The following KPNA6 variants were observed in gnomAD, a reference collection of about 807,000 sequenced individuals.
KPNA6 encodes importin subunit alpha-7.
Under a neutral mutation model 72.0 loss-of-function variants are expected in KPNA6, and 9 were observed. That is an observed-to-expected ratio of 0.13 (90% confidence interval 0.08 to 0.22). The LOEUF (loss-of-function observed/expected upper bound fraction) is 0.22. KPNA6 is among the 10% of genes least tolerant of loss of function. The pLI, the probability that KPNA6 is intolerant of heterozygous loss-of-function variation, is 1.00. For missense variants in KPNA6, 374 were observed against 655.7 expected (o/e 0.57, Z 4.69); for synonymous variants, 219 against 242.1 (o/e 0.90, Z 0.89).
Position 32,175,436 on chromosome 1 carries a change from C to T in KPNA6, c.*4542C>T, listed in dbSNP as rs1363755069. 2 of 152,268 alleles carry T rather than the reference C, an allele frequency of 1.3e-5. No individual in the cohort carries two copies. The highest frequency in any genetic ancestry group is 3.8e-4 in the East Asian group (2 of 5,196). 9.4% of individuals were successfully genotyped at this position (152,268 alleles called of 1,614,324 possible). A position where few individuals can be genotyped will look rare whatever the true frequency, so the allele number is the denominator to read the frequency against. ...CCTGGGGGGCATTGAAGGAAGTAAG[C>T]TCTCAGAGATCCTAACACTGGCTGG... On this transcript the variant is annotated 3_prime_UTR_variant, in exon 14 of 14. Coordinates refer to ENST00000373625, the MANE Select transcript of KPNA6 (RefSeq NM_012316.5).
Position 32,141,375 on chromosome 1 carries a change from C to CTTTTTTTTTTTTTTTTTTTTTTTTTTTTT in KPNA6, c.5-13201_5-13173dup, listed in dbSNP as rs71006334. On this transcript the variant is annotated intron_variant, in intron 1 of 13. Coordinates refer to ENST00000373625, the MANE Select transcript of KPNA6 (RefSeq NM_012316.5). ...AGGGCTTTTTTTTTTTAAGTTAATC[C>CTTTTTTTTTTTTTTTTTTTTTTTTTTTTT]TTTTTTTTTTTTTTTTTTTTTTTTT... Among the ~76,000 whole-genome samples, 8 of 54,476 alleles carry CTTTTTTTTTTTTTTTTTTTTTTTTTTTTT rather than the reference C, an allele frequency of 1.5e-4. 4 individuals carry two copies. Among genetic ancestry groups the CTTTTTTTTTTTTTTTTTTTTTTTTTTTTT allele is most frequent in the Non-Finnish European group, 2.4e-4 (6 of 25,166 alleles). 35.7% of individuals were successfully genotyped at this position (54,476 alleles called of 152,430 possible). A position where few individuals can be genotyped will look rare whatever the true frequency, so the allele number is the denominator to read the frequency against.
At chr1:32,119,680 C>G (rs1475574985) in intron 1 of KPNA6, among the ~76,000 whole-genome samples, 1 of 151,782 alleles carries the variant, frequency 6.6e-6, no homozygotes, top group Non-Finnish European at 1.5e-5. Flanking sequence ...AAATGTGGTT[C>G]TAGTGTTGTT....
chr1:32,170,916 G>T lies in KPNA6; in HGVS notation c.*22G>T. ...ATAATATCTGCCTCCAGGGAGGGGA[G>T]GGGATGGGAAGCACCACCAGCCAGC... is the stretch of plus-strand genomic sequence containing the variant. On this transcript the variant is annotated 3_prime_UTR_variant, in exon 14 of 14. Coordinates refer to ENST00000373625, the MANE Select transcript of KPNA6 (RefSeq NM_012316.5). 1 of 1,609,020 alleles carries T rather than the reference G, an allele frequency of 6.2e-7. No individual in the cohort carries two copies.
At chr1:32,149,793 A>G (rs1172539186) in intron 1 of KPNA6, among the ~76,000 whole-genome samples, 1 of 152,054 alleles carries the variant, frequency 6.6e-6, no homozygotes, top group African/African-American at 2.4e-5. Context: ...GTCTTTATTA[A>G]TATTATTTTT....
At chr1:32,164,887 A>T (rs1304628342) in intron 10 of KPNA6, among the ~76,000 whole-genome samples, 1 of 151,734 alleles carries the variant, frequency 6.6e-6, no homozygotes, top group Non-Finnish European at 1.5e-5. Context: ...TAAAAAAAAA[A>T]CTTTTAACTT....
rs186306963 is a variant in KPNA6 at position 32,120,765 on chromosome 1, G to T, written c.4+12631G>T. On this transcript the variant is annotated intron_variant, in intron 1 of 13. Coordinates refer to ENST00000373625, the MANE Select transcript of KPNA6 (RefSeq NM_012316.5). ...GTATCTTTAGTAGAGACGGGGTTTC[G>T]CCATGTTGGCCAGGCTGGTCTTGAA... is the stretch of plus-strand genomic sequence containing the variant. Among the ~76,000 whole-genome samples the T allele has an allele frequency of 1.3e-4, 20 of 148,538 alleles. No homozygotes were observed. The East Asian group carries it at 3.4e-3, about 25-fold the overall frequency.
rs374654202 is a variant in KPNA6 at position 32,142,760 on chromosome 1, G to C, written c.5-11828G>C. On this transcript the variant is annotated intron_variant, in intron 1 of 13. Transcript: ENST00000373625. ...TAAAAAATTCATCCACAGCAAGTAA[G>C]GGAGTACATAATGGAAAAAGCCGCT... Among the ~76,000 whole-genome samples the C allele has an allele frequency of 2.6e-5, 4 of 152,178 alleles. No homozygotes were observed. The East Asian group carries it at 5.8e-4, about 22-fold the overall frequency.
intron 7 of KPNA6, among the ~76,000 whole-genome samples, chr1:32,161,375 T>C (rs565616628): frequency 3.2e-4 from 48 of 152,338 alleles, no homozygotes; most frequent in African/African-American, 1.1e-3. Flanking sequence ...TCGTAAATTA[T>C]AGATCAAAGA....
chr1:32,154,734 G>C lies in KPNA6; in HGVS notation c.138+13G>C. ...GCGAGAGCAACAAGTGAGTTAATGG[G>C]AGTATTCTCAAACATACTATTCTGG... On this transcript the variant is annotated intron_variant, in intron 2 of 13. Transcript: ENST00000373625. 8 of 1,613,544 alleles carry C rather than the reference G, an allele frequency of 5.0e-6. No individual in the cohort carries two copies. The highest frequency in any genetic ancestry group is 5.9e-6 in the Non-Finnish European group (7 of 1,179,772).
At chr1:32,133,434 C>T (rs1003003008) in intron 1 of KPNA6, among the ~76,000 whole-genome samples, 4 of 150,098 alleles carry the variant, frequency 2.7e-5, no homozygotes, top group Admixed American at 1.3e-4. Flanking sequence ...TAATCCAGCA[C>T]CTTGAGAGGC....
At chr1:32,156,748 C>A in intron 2 of KPNA6, 105 bp from the exon 3 acceptor site, 1 of 802,748 alleles carries the variant, frequency 1.2e-6, no homozygotes, top group Non-Finnish European at 2.0e-6. Context: ...CACTTCTCAG[C>A]TACTCTAGTA....
chr1:32,114,852 CT>C (rs1317576829), intron 1 of KPNA6, among the ~76,000 whole-genome samples: 1 of 152,118 alleles, frequency 6.6e-6, no homozygotes, highest in East Asian at 1.9e-4. Context: ...TCACCTTGCA[CT>C]TTTTTGAGAC....
At chr1:32,162,847 A>G (rs1642264119) in intron 9 of KPNA6, among the ~76,000 whole-genome samples, 1 of 150,472 alleles carries the variant, frequency 6.6e-6, no homozygotes, top group Admixed American at 6.6e-5. Context: ...AGGAAAAAAA[A>G]GAATCCCAGC....
intron 1 of KPNA6, among the ~76,000 whole-genome samples, chr1:32,108,395 C>A (rs550305976): frequency 1.3e-5 from 2 of 152,270 alleles, no homozygotes; most frequent in African/African-American, 4.8e-5. Flanking sequence ...GGGCAGGAGC[C>A]CACGTGTTCC....
intron 1 of KPNA6, among the ~76,000 whole-genome samples, chr1:32,136,485 C>T (rs1641738306): frequency 6.6e-6 from 1 of 152,052 alleles, no homozygotes; most frequent in East Asian, 1.9e-4. Context: ...TCTTGAAAAT[C>T]TGATCTAGCA....
rs1313964416 is a variant in KPNA6 at position 32,166,014 on chromosome 1, AC to A, written c.991-90del. On this transcript the variant is annotated intron_variant, in intron 10 of 13. Coordinates refer to ENST00000373625, the MANE Select transcript of KPNA6 (RefSeq NM_012316.5). ...CTCTGTCTCAAAAAAAAAAACAAAAACAACAACAACAACAACAACAACAAAA... is the reference window on the plus strand; with the variant it reads ...CTCTGTCTCAAAAAAAAAAACAAAAAAACAACAACAACAACAACAACAAAA... 4.6e-3 allele frequency: 5,461 copies of A among 1,197,962 alleles called. 6 individuals carry two copies. The highest frequency in any genetic ancestry group is 0.017 in the South Asian group (830 of 49,000). The allele number at this position is 1,197,962 out of a possible 1,614,324, so 74.2% of individuals were successfully genotyped here.
chr1:32,152,895 A>C (rs1467451349), intron 1 of KPNA6, among the ~76,000 whole-genome samples: 1 of 151,464 alleles, frequency 6.6e-6, no homozygotes, highest in Non-Finnish European at 1.5e-5. Context: ...GCACACCTGC[A>C]ATCCCAGCTG....
At chr1:32,143,067 G>C in intron 1 of KPNA6, 2 of 1,110,022 alleles carry the variant, frequency 1.8e-6, no homozygotes, top group Non-Finnish European at 2.4e-6. Context: ...TCAGAAATCT[G>C]TTGTCTACTC....
chr1:32,120,454 G>C (rs1049337110), intron 1 of KPNA6, among the ~76,000 whole-genome samples: 3 of 151,086 alleles, frequency 2.0e-5, no homozygotes, highest in African/African-American at 7.3e-5. Context: ...CACCATGTTG[G>C]CCAGGCTGGT....
Sources: gnomAD v4.1 joint callset for allele counts (sites outside exome capture counted in the v4.1 genomes callset) on GRCh38, gnomAD v4.1.1 for gene constraint, MANE v1.5 for transcripts, NCBI Gene and HGNC (gene_info 2026-07-23, HGNC 2026-07-21) for gene names.